Variants in KHDRBS2 observed in about 807,000 individuals in gnomAD.
KHDRBS2 encodes the protein KH domain-containing, RNA-binding, signal transduction-associated protein 2.
In KHDRBS2, 26 loss-of-function variants were observed where a neutral mutation model predicts 44.3. The observed-to-expected ratio is 0.59, with a 90% CI of 0.43 to 0.81. KHDRBS2 has a LOEUF of 0.81. KHDRBS2 is among the 40% of genes least tolerant of loss of function. The pLI is 0.00. For missense variants in KHDRBS2, 476 were observed against 433.1 expected (o/e 1.10, Z -0.88); for synonymous variants, 194 against 151.1 (o/e 1.28, Z -2.08).
At chr6:62,089,025 G>A (rs1424966314) in intron 2 of KHDRBS2, among the ~76,000 whole-genome samples, 2 of 152,042 alleles carry the variant, frequency 1.3e-5, no homozygotes, top group Non-Finnish European at 2.9e-5. Context: ...CACTGTGAGG[G>A]GAAAACCACC....
intron 2 of KHDRBS2, among the ~76,000 whole-genome samples, chr6:62,107,469 C>A (rs569628098): frequency 6.6e-6 from 1 of 152,270 alleles, no homozygotes; most frequent in Admixed American, 6.5e-5. Flanking sequence ...AAAGAACATT[C>A]CATGCTCATG....
chr6:62,065,275 A>G (rs1793307644), intron 2 of KHDRBS2, among the ~76,000 whole-genome samples: 1 of 152,152 alleles, frequency 6.6e-6, no homozygotes. Flanking sequence ...CAGCCATTCC[A>G]TTACTGGGTA....
chr6:61,687,878 C>T (rs1435659983), intron 8 of KHDRBS2, among the ~76,000 whole-genome samples: 1 of 151,720 alleles, frequency 6.6e-6, no homozygotes, highest in African/African-American at 2.4e-5. Context: ...TTATCAGCTT[C>T]TGTTTTCCCA....
intron 8 of KHDRBS2, among the ~76,000 whole-genome samples, chr6:61,683,757 T>C (rs1203560795): frequency 1.3e-5 from 2 of 151,864 alleles, no homozygotes; most frequent in Non-Finnish European, 2.9e-5. Flanking sequence ...ATGGCACAAA[T>C]ATGTGCTCTT....
intron 2 of KHDRBS2, among the ~76,000 whole-genome samples, chr6:62,089,321 G>C (rs1799050513): frequency 6.6e-6 from 1 of 151,460 alleles, no homozygotes; most frequent in Non-Finnish European, 1.5e-5. Context: ...TGCCCAAATG[G>C]CCACCCAGTT....
intron 6 of KHDRBS2, among the ~76,000 whole-genome samples, chr6:61,780,719 T>TG (rs1782805135): frequency 1.3e-5 from 2 of 152,182 alleles, no homozygotes. Context: ...AATTTAATTA[T>TG]GGATCTTCTT....
intron 6 of KHDRBS2, among the ~76,000 whole-genome samples, chr6:61,779,934 GA>G (rs143770247): frequency 3.0e-4 from 44 of 148,878 alleles, no homozygotes; most frequent in African/African-American, 6.7e-4. Flanking sequence ...TCAAAATACT[GA>G]AAAAAAAAAC....
intron 1 of KHDRBS2, among the ~76,000 whole-genome samples, chr6:62,256,666 A>G (rs914556791): frequency 1.3e-5 from 2 of 152,096 alleles, no homozygotes; most frequent in African/African-American, 4.8e-5. Flanking sequence ...ACATACTTGT[A>G]TCTACTTTAG....
At chr6:61,545,520 T>TGG in the KHDRBS2 span, among the ~76,000 whole-genome samples, 5 of 151,866 alleles carry the variant, frequency 3.3e-5, no homozygotes, top group East Asian at 9.7e-4. Context: ...TGTGTGTGTG[T>TGG]GTGTGTGTCT....
At chr6:62,196,276 A>C (rs1051313083) in intron 1 of KHDRBS2, among the ~76,000 whole-genome samples, 1 of 152,130 alleles carries the variant, frequency 6.6e-6, no homozygotes, top group African/African-American at 2.4e-5. Flanking sequence ...AAATAAAATA[A>C]ATTCTATACT....
chr6:61,654,004 C>A, the KHDRBS2 span, among the ~76,000 whole-genome samples: 2 of 151,902 alleles, frequency 1.3e-5, no homozygotes, highest in Non-Finnish European at 2.9e-5. Flanking sequence ...TTAATTTAAG[C>A]TTTTAAGATA....
At chr6:61,953,516 G>A (rs1765215299) in intron 4 of KHDRBS2, among the ~76,000 whole-genome samples, 1 of 152,014 alleles carries the variant, frequency 6.6e-6, no homozygotes, top group Admixed American at 6.6e-5. Context: ...TTTAAATTGT[G>A]TAAGACTTTA....
chr6:61,818,390 G>T (rs1235479860), intron 6 of KHDRBS2, among the ~76,000 whole-genome samples: 3 of 151,618 alleles, frequency 2.0e-5, no homozygotes, highest in Non-Finnish European at 4.4e-5. Flanking sequence ...ATGAATAGAA[G>T]AAATAATGAT....
intron 6 of KHDRBS2, among the ~76,000 whole-genome samples, chr6:61,742,751 A>G (rs1313299019): frequency 6.6e-6 from 1 of 152,040 alleles, no homozygotes; most frequent in Non-Finnish European, 1.5e-5. Context: ...ATCCTCAGTG[A>G]GGTCATTAAA....
chr6:62,206,401 G>A (rs545760667), intron 1 of KHDRBS2, among the ~76,000 whole-genome samples: 68 of 152,158 alleles, frequency 4.5e-4, no homozygotes, highest in Admixed American at 4.5e-3. Flanking sequence ...TCCATTGATT[G>A]TAAATAAATG....
intron 2 of KHDRBS2, among the ~76,000 whole-genome samples, chr6:62,173,108 T>A (rs1408657266): frequency 6.7e-6 from 1 of 150,140 alleles, no homozygotes; most frequent in African/African-American, 2.4e-5. Flanking sequence ...TGAAGGAAGT[T>A]GTAACATGCA....
At chr6:62,153,812 C>A (rs992392254) in intron 2 of KHDRBS2, among the ~76,000 whole-genome samples, 5 of 152,150 alleles carry the variant, frequency 3.3e-5, no homozygotes, top group African/African-American at 7.2e-5. Flanking sequence ...AAGGGAGATT[C>A]TTTGGCTCCC....
At chr6:61,932,444 C>T (rs1382465638) in intron 4 of KHDRBS2, among the ~76,000 whole-genome samples, 2 of 152,172 alleles carry the variant, frequency 1.3e-5, no homozygotes, top group African/African-American at 4.8e-5. Flanking sequence ...ACTCCAGCCA[C>T]TCATAACCAT....
At chr6:61,960,487 A>G (rs751325678) in intron 4 of KHDRBS2, among the ~76,000 whole-genome samples, 12 of 152,126 alleles carry the variant, frequency 7.9e-5, no homozygotes, top group Middle Eastern at 3.2e-3. Flanking sequence ...ACAATTATGT[A>G]TGACTGCAAT....
Sources: gnomAD v4.1 joint callset for allele counts (sites outside exome capture counted in the v4.1 genomes callset) on GRCh38, gnomAD v4.1.1 for gene constraint, MANE v1.5 for transcripts, NCBI Gene and HGNC (gene_info 2026-07-23, HGNC 2026-07-21) for gene names.